The following CREB5 variants were observed in gnomAD, a reference collection of about 807,000 sequenced individuals.
The protein encoded by CREB5 is cyclic AMP-responsive element-binding protein 5.
CREB5 carries 19 observed loss-of-function variants against 57.1 expected under a neutral mutation model. That is an observed-to-expected ratio of 0.33 (90% confidence interval 0.23 to 0.49). The LOEUF is 0.49. Ranked by LOEUF, CREB5 falls within the 20% of genes least tolerant of loss-of-function variation. The pLI, the probability that CREB5 is intolerant of heterozygous loss-of-function variation, is 0.99. For synonymous variants in CREB5, 238 were observed against 238.3 expected (o/e 1.00, Z 0.01); for missense variants, 579 against 671.6 (o/e 0.86, Z 1.52).
Position 28,551,821 on chromosome 7 carries a change from T to TTTTCTTTC in CREB5, c.292-18528_292-18521dup, listed in dbSNP as rs10625343. Among the ~76,000 whole-genome samples the TTTTCTTTC allele has an allele frequency of 8.2e-3, 1,212 of 147,530 alleles. 15 individuals are homozygous for TTTTCTTTC. The highest frequency in any genetic ancestry group is 0.022 in the South Asian group (100 of 4,494). ...AGGGTCTCAGGGTCACCTCTATGAT[T>TTTTCTTTC]TTTCTTTCTTTCTTTCTTTCTTTTT... On this transcript the variant is annotated intron_variant, in intron 4 of 10. Coordinates refer to ENST00000357727, the MANE Select transcript of CREB5 (RefSeq NM_182898.4).
At chr7:28,654,684 C>A (rs1329158109) in intron 5 of CREB5, among the ~76,000 whole-genome samples, 1 of 152,118 alleles carries the variant, frequency 6.6e-6, no homozygotes, top group Non-Finnish European at 1.5e-5. Context: ...GGGCAATATT[C>A]ATTCAAACTA....
chr7:28,502,495 CCT>C (rs1485462489), intron 3 of CREB5, among the ~76,000 whole-genome samples: 1 of 152,050 alleles, frequency 6.6e-6, no homozygotes, highest in Admixed American at 6.6e-5. Context: ...TTTGAATAGC[CCT>C]CTTGAGGAAT....
At chr7:28,585,137 G>A (rs1275953706) in intron 5 of CREB5, among the ~76,000 whole-genome samples, 2 of 152,250 alleles carry the variant, frequency 1.3e-5, no homozygotes, top group Non-Finnish European at 2.9e-5. Flanking sequence ...CTGCTCAGTA[G>A]TAGTTGCGGG....
intron 1 of CREB5, among the ~76,000 whole-genome samples, chr7:28,484,967 T>A (rs1172663661): frequency 6.6e-6 from 1 of 152,226 alleles, no homozygotes; most frequent in African/African-American, 2.4e-5. Context: ...AGGTATTTGC[T>A]GTAGCTCATA....
chr7:28,818,204 T>C, intron 10 of CREB5, 25 bp downstream of exon 10: 1 of 1,533,288 alleles, frequency 6.5e-7, no homozygotes. Flanking sequence ...TTTTCACTTT[T>C]CTTTAGTGTC....
At chr7:28,555,293 C>T (rs1214043236) in intron 4 of CREB5, among the ~76,000 whole-genome samples, 1 of 152,158 alleles carries the variant, frequency 6.6e-6, no homozygotes, top group African/African-American at 2.4e-5. Context: ...GTTAGCTACC[C>T]AGAGAAATCA....
At chr7:28,365,442 A>G (rs1198046793) in intron 1 of CREB5, among the ~76,000 whole-genome samples, 1 of 151,880 alleles carries the variant, frequency 6.6e-6, no homozygotes, top group East Asian at 1.9e-4. Context: ...CCCTTTCCTC[A>G]ATGCATTATC....
chr7:28,602,871 T>A (rs1724701233), intron 5 of CREB5, among the ~76,000 whole-genome samples: 1 of 152,204 alleles, frequency 6.6e-6, no homozygotes, highest in Admixed American at 6.5e-5. Flanking sequence ...GTAAAATCGG[T>A]GAAATCTGAA....
At chr7:28,756,939 C>G (rs777412577) in intron 7 of CREB5, among the ~76,000 whole-genome samples, 6 of 152,136 alleles carry the variant, frequency 3.9e-5, no homozygotes, top group Non-Finnish European at 8.8e-5. Flanking sequence ...TTCAGGCGCT[C>G]ACATTTCAAA....
intron 9 of CREB5, among the ~76,000 whole-genome samples, chr7:28,811,236 G>T (rs545287634): frequency 6.6e-6 from 1 of 152,316 alleles, no homozygotes; most frequent in African/African-American, 2.4e-5. Context: ...CATAGCTGGA[G>T]TGTCTAAGAA....
intron 5 of CREB5, among the ~76,000 whole-genome samples, chr7:28,674,220 G>A (rs997091536): frequency 2.6e-5 from 4 of 152,090 alleles, no homozygotes; most frequent in Non-Finnish European, 5.9e-5. Context: ...GAAAGGGATG[G>A]AGCGTTTGCA....
At chr7:28,351,854 A>G (rs894511027) in intron 1 of CREB5, among the ~76,000 whole-genome samples, 4 of 152,212 alleles carry the variant, frequency 2.6e-5, no homozygotes, top group Admixed American at 2.0e-4. Context: ...ACAGTAATAA[A>G]GTTTGGTAAT....
intron 4 of CREB5, among the ~76,000 whole-genome samples, chr7:28,533,479 G>C (rs1445450312): frequency 2.0e-5 from 3 of 152,224 alleles, no homozygotes; most frequent in Non-Finnish European, 2.9e-5. Flanking sequence ...CCTGCACTTT[G>C]CATGGAGACA....
At chr7:28,300,665 G>A (rs1415819872) in intron 1 of CREB5, among the ~76,000 whole-genome samples, 1 of 152,182 alleles carries the variant, frequency 6.6e-6, no homozygotes, top group Non-Finnish European at 1.5e-5. Context: ...GAAACTGGTT[G>A]AGCATTAGTG....
At chr7:28,473,554 GAC>G (rs1583506572) in intron 1 of CREB5, among the ~76,000 whole-genome samples, 1 of 152,190 alleles carries the variant, frequency 6.6e-6, no homozygotes, top group East Asian at 1.9e-4. Flanking sequence ...CCCCATATCT[GAC>G]ACACTGCCTG....
chr7:28,491,017 A>G, intron 2 of CREB5: 1 of 161,530 alleles, frequency 6.2e-6, no homozygotes, highest in Non-Finnish European at 1.3e-5. Context: ...TGGCTTTGGC[A>G]GCTGGGTGCT....
At chr7:28,683,385 G>A (rs1051324165) in intron 5 of CREB5, among the ~76,000 whole-genome samples, 1 of 152,130 alleles carries the variant, frequency 6.6e-6, no homozygotes, top group African/African-American at 2.4e-5. Flanking sequence ...GTTATGTCCC[G>A]AACAACAAGT....
intron 1 of CREB5, among the ~76,000 whole-genome samples, chr7:28,325,627 C>T (rs187882620): frequency 1.3e-5 from 2 of 152,288 alleles, no homozygotes; most frequent in East Asian, 3.9e-4. Flanking sequence ...ATGCATACTT[C>T]AGCCACTCTG....
intron 4 of CREB5, among the ~76,000 whole-genome samples, chr7:28,560,553 TC>T (rs754641778): frequency 2.0e-4 from 30 of 152,058 alleles, no homozygotes; most frequent in Non-Finnish European, 3.8e-4. Flanking sequence ...GGCTCCTATA[TC>T]AGTAGGAAGC....
Sources: allele counts gnomAD v4.1 joint callset (sites outside exome capture counted in the v4.1 genomes callset), GRCh38; gene constraint gnomAD v4.1.1; transcripts MANE v1.5; gene names NCBI Gene and HGNC (gene_info 2026-07-23, HGNC 2026-07-21).